The following TXNRD3 variants were observed in gnomAD, a reference collection of about 807,000 sequenced individuals.
TXNRD3 encodes thioredoxin reductase 3, also known as TXNRD3 neighbor gene protein.
A neutral mutation model predicts 78.2 loss-of-function variants in TXNRD3; 68 were observed. That is an observed-to-expected ratio of 0.87 (90% CI 0.72 to 1.06). TXNRD3 has a LOEUF of 1.06. Among genes scored for constraint, TXNRD3 ranks in the 50% least tolerant of loss-of-function variants. TXNRD3 has a pLI of 0.00. For missense variants in TXNRD3, 751 were observed against 809.5 expected (o/e 0.93, Z 0.88); for synonymous variants, 296 against 300.1 (o/e 0.99, Z 0.14).
In TXNRD3 at chr3:126,630,697, G is replaced by C. The variant is rs1411469839; in HGVS notation, c.1197+15C>G. ...AAGTTAGAGAAAAAAAATTGCAAAT[G>C]CCATGCAGCCTTACCATCACAGGTA... On this transcript the variant is annotated intron_variant, in intron 9 of 15. Coordinates refer to ENST00000524230, the MANE Select transcript of TXNRD3 (RefSeq NM_052883.3). The C allele has an allele frequency of 1.3e-6, 2 of 1,532,512 alleles. No homozygotes were observed. The highest frequency in any genetic ancestry group is 2.4e-5 in the South Asian group (2 of 83,858). 94.9% of individuals were successfully genotyped at this position (1,532,512 alleles called of 1,614,324 possible).
intron 13 of TXNRD3, among the ~76,000 whole-genome samples, chr3:126,613,101 CATA>C (rs2107609742): frequency 6.6e-6 from 1 of 152,282 alleles, no homozygotes; most frequent in South Asian, 2.1e-4. Context: ...CAATTACAGA[CATA>C]ATTTTTAAAG....
chr3:126,635,601 C>T (rs1295128353), intron 6 of TXNRD3, among the ~76,000 whole-genome samples: 2 of 151,670 alleles, frequency 1.3e-5, no homozygotes, highest in Non-Finnish European at 2.9e-5. Flanking sequence ...CAGCCAATCT[C>T]CAAAAAGAAA....
chr3:126,608,474 A>T, intron 15 of TXNRD3, 25 bp downstream of exon 15: 1 of 1,510,412 alleles, frequency 6.6e-7, no homozygotes, highest in Non-Finnish European at 8.8e-7. Flanking sequence ...ACTGAAGCCA[A>T]TTTTTAAAAC....
chr3:126,610,257 T>G (rs995664354), intron 14 of TXNRD3, among the ~76,000 whole-genome samples: 1 of 152,230 alleles, frequency 6.6e-6, no homozygotes, highest in Admixed American at 6.5e-5. Context: ...TTCAGTAAAC[T>G]TTTATGTAGA....
At chr3:126,628,553 C>A (rs544604298) in intron 10 of TXNRD3, among the ~76,000 whole-genome samples, 5 of 151,076 alleles carry the variant, frequency 3.3e-5, no homozygotes, top group African/African-American at 4.9e-5. Context: ...GTGACATTTT[C>A]AAAAAAAATA....
intron 6 of TXNRD3, among the ~76,000 whole-genome samples, chr3:126,638,046 C>A (rs1483197553): frequency 7.3e-6 from 1 of 136,924 alleles, no homozygotes; most frequent in East Asian, 2.3e-4. Context: ...TGGGTTCAAG[C>A]GATTCTCTTG....
At chr3:126,646,283 A>AC in intron 2 of TXNRD3, 63 bp from the exon 3 acceptor site, 1 of 1,071,508 alleles carries the variant, frequency 9.3e-7, no homozygotes, top group Non-Finnish European at 1.2e-6. Context: ...TGTGAGTTAA[A>AC]CAAAGTGTTA....
chr3:126,641,757 T>G (rs1933094244), intron 6 of TXNRD3, among the ~76,000 whole-genome samples: 1 of 152,196 alleles, frequency 6.6e-6, no homozygotes, highest in Admixed American at 6.5e-5. Context: ...TTCTTATACT[T>G]GAAAGAAGTC....
chr3:126,621,321 T>C (rs1156870193), intron 12 of TXNRD3, among the ~76,000 whole-genome samples: 1 of 152,250 alleles, frequency 6.6e-6, no homozygotes, highest in African/African-American at 2.4e-5. Context: ...TCCTGATTCA[T>C]GCCAAGAGCT....
chr3:126,643,973 C>A lies in TXNRD3; in HGVS notation c.592+8G>T, dbSNP rs1465505668. On this transcript the variant is annotated splice_region_variant and intron_variant, in intron 5 of 15. Coordinates refer to ENST00000524230, the MANE Select transcript of TXNRD3 (RefSeq NM_052883.3). Reference sequence around the variant, plus strand: ...AGCAGAGAGGAACAACAGAGAAAAACAACTTACCCCAGGATGTGCCCTGAG... The same window carrying A: ...AGCAGAGAGGAACAACAGAGAAAAAAAACTTACCCCAGGATGTGCCCTGAG... 1.3e-6 allele frequency: 2 copies of A among 1,534,138 alleles called. No homozygotes were observed. Among genetic ancestry groups the A allele is most frequent in the Non-Finnish European group, 1.7e-6 (2 of 1,146,336 alleles).
chr3:126,618,417 A>G (rs575275173), intron 12 of TXNRD3, among the ~76,000 whole-genome samples: 3 of 152,338 alleles, frequency 2.0e-5, no homozygotes, highest in Non-Finnish European at 2.9e-5. Flanking sequence ...ATAAAACCAC[A>G]TATTTACAGC....
intron 12 of TXNRD3, among the ~76,000 whole-genome samples, chr3:126,621,023 G>A (rs942075392): frequency 6.6e-6 from 1 of 152,150 alleles, no homozygotes; most frequent in Non-Finnish European, 1.5e-5. Flanking sequence ...AAGCTCCTGG[G>A]ACACTACTCA....
intron 4 of TXNRD3, 77 bp downstream of exon 4, chr3:126,644,220 T>A (rs942032437): frequency 7.1e-7 from 1 of 1,407,098 alleles, no homozygotes; most frequent in Non-Finnish European, 9.6e-7. Context: ...TTAGTTTGTT[T>A]TTTTTTAAGT....
chr3:126,609,090 C>T (rs1938130160), intron 14 of TXNRD3: 2 of 387,146 alleles, frequency 5.2e-6, no homozygotes, highest in Non-Finnish European at 1.1e-5. Flanking sequence ...AGGGCTGTCA[C>T]CCAGGGCTGT....
chr3:126,630,751 C>G lies in TXNRD3; in HGVS notation c.1158G>C (p.Gln386His), dbSNP rs756705935. 1 of 1,534,412 alleles carries G rather than the reference C, an allele frequency of 6.5e-7. No homozygotes were observed. Among genetic ancestry groups the G allele is most frequent in the Non-Finnish European group, 8.7e-7 (1 of 1,146,880 alleles). The stretch of plus-strand genomic sequence containing the variant: ...ATTTCCGTAGGAACTTCACACCATG[C>G]TGCTCCATGTAGGAACCCACTTTTT... The change falls in exon 9 of 16, where the codon CAG (glutamine) becomes CAC (histidine). Residue 386 changes from glutamine to histidine, a missense_variant. Physicochemically the swap from Gln to His is conservative, Grantham distance 24. Transcript: ENST00000524230.
intron 13 of TXNRD3, among the ~76,000 whole-genome samples, chr3:126,612,817 T>A (rs1938229381): frequency 6.6e-6 from 1 of 152,256 alleles, no homozygotes; most frequent in Admixed American, 6.5e-5. Context: ...CTTCCAACTT[T>A]ACATTTTTCC....
In TXNRD3 at chr3:126,655,025, C is replaced by A; in HGVS notation, c.-35G>T. On this transcript the variant is annotated 5_prime_UTR_variant, in exon 1 of 16. Coordinates refer to ENST00000524230, the MANE Select transcript of TXNRD3 (RefSeq NM_052883.3). The stretch of plus-strand genomic sequence containing the variant: ...CTCGCTCCTGGCCCGGCCGGGCCTG[C>A]TCACAAACCGAAACGCAGGCGGCTG... 7.7e-7 allele frequency: 1 copy of A among 1,293,798 alleles called. No homozygotes were observed. The highest frequency in any genetic ancestry group is 9.8e-7 in the Non-Finnish European group (1 of 1,022,448). 80.1% of individuals were successfully genotyped at this position (1,293,798 alleles called of 1,614,324 possible).
intron 6 of TXNRD3, among the ~76,000 whole-genome samples, chr3:126,636,292 C>T (rs1303287684): frequency 6.6e-6 from 1 of 152,090 alleles, no homozygotes; most frequent in African/African-American, 2.4e-5. Flanking sequence ...TAACATAACT[C>T]ATACATTTAA....
At chr3:126,650,061 T>A (rs1308632587) in intron 1 of TXNRD3, among the ~76,000 whole-genome samples, 2 of 152,268 alleles carry the variant, frequency 1.3e-5, no homozygotes, top group Admixed American at 1.3e-4. Context: ...AATGGAAATA[T>A]AAATTTGTAA....
Sources: allele counts gnomAD v4.1 joint callset (sites outside exome capture counted in the v4.1 genomes callset), GRCh38; gene constraint gnomAD v4.1.1; transcripts MANE v1.5; gene names NCBI Gene and HGNC (gene_info 2026-07-23, HGNC 2026-07-21).